PLCH1: variants seen among roughly 807,000 people sequenced by gnomAD.
PLCH1 encodes the protein phospholipase C eta 1, also known as 1-phosphatidylinositol 4,5-bisphosphate phosphodiesterase eta-1.
A neutral mutation model predicts 126.7 loss-of-function variants in PLCH1; 60 were observed. The ratio of observed to expected loss-of-function variants is 0.47; its 90% CI spans 0.38 to 0.59. The LOEUF (loss-of-function observed/expected upper bound fraction) is 0.59. Ranked by LOEUF, PLCH1 falls within the 20% of genes least tolerant of loss-of-function variation. PLCH1 has a pLI of 0.00. For missense variants in PLCH1, 1,723 were observed against 2,040.0 expected (o/e 0.84, Z 2.99); for synonymous variants, 719 against 734.9 (o/e 0.98, Z 0.35).
At chr3:155,712,640 T>C (rs1428162218) in intron 1 of PLCH1, among the ~76,000 whole-genome samples, 1 of 152,096 alleles carries the variant, frequency 6.6e-6, no homozygotes, top group African/African-American at 2.4e-5. Context: ...CTCGGGAGGC[T>C]GAGGCAGGAG....
At chr3:155,498,508 T>C (rs1328328070) in intron 14 of PLCH1, among the ~76,000 whole-genome samples, 1 of 152,184 alleles carries the variant, frequency 6.6e-6, no homozygotes, top group African/African-American at 2.4e-5. Context: ...ATTCCCACTG[T>C]GACCCAGTTA....
rs1233796597 is a variant in PLCH1 at position 155,591,774 on chromosome 3, A to G, written c.470+2167T>C. Among the ~76,000 whole-genome samples the G allele has an allele frequency of 4.6e-5, 7 of 152,158 alleles. No individual in the cohort carries two copies. In the East Asian group the frequency reaches 9.7e-4, roughly 21 times the overall value. The stretch of plus-strand genomic sequence containing the variant: ...TTTGTTTTTGAGACAGGGTCTTGGT[A>G]GCTCACCGCTGCCTCCAACTCCTGG... On this transcript the variant is annotated intron_variant, in intron 4 of 22. Transcript: ENST00000460012.
chr3:155,500,851 C>T (rs768878993), intron 13 of PLCH1, 57 bp from the exon 14 acceptor site: 48 of 1,140,352 alleles, frequency 4.2e-5, no homozygotes, highest in Admixed American at 1.4e-4. Context: ...ATATTTACAA[C>T]ATGCAGAGAA....
intron 10 of PLCH1, among the ~76,000 whole-genome samples, chr3:155,539,650 TA>T (rs1299676047): frequency 2.6e-5 from 4 of 151,444 alleles, no homozygotes; most frequent in African/African-American, 4.9e-5. Context: ...CTGCAAAAAA[TA>T]AAACAAAATA....
intron 7 of PLCH1, among the ~76,000 whole-genome samples, chr3:155,566,132 C>CATATATATATACAT: frequency 7.7e-6 from 1 of 130,384 alleles, no homozygotes; most frequent in African/African-American, 3.0e-5. Context: ...TGTATATATA[C>CATATATATATACAT]ATATATATGT....
At chr3:155,467,505 C>T (rs1399624716) in intron 21 of PLCH1, among the ~76,000 whole-genome samples, 2 of 150,604 alleles carry the variant, frequency 1.3e-5, no homozygotes, top group African/African-American at 4.9e-5. Flanking sequence ...ACCTGGGAGG[C>T]AGAGGTTGCA....
Position 155,592,177 on chromosome 3 carries a change from A to T in PLCH1, c.470+1764T>A, listed in dbSNP as rs1448149596. On this transcript the variant is annotated intron_variant, in intron 4 of 22. Transcript: ENST00000460012. ...GGGAAGTTTTTCTTTTCTCTTTTAA[A>T]AAAAAAAAAAAAAAAAAAGATTCGT... 1.2e-4 allele frequency among the ~76,000 whole-genome samples: 15 copies of T among 121,830 alleles called. No homozygotes were observed. The South Asian group carries it at 3.3e-3, about 27-fold the overall frequency. The allele number at this position is 121,830 out of a possible 152,430, so 79.9% of individuals were successfully genotyped here.
intron 1 of PLCH1, among the ~76,000 whole-genome samples, chr3:155,736,233 T>A (rs951629826): frequency 6.6e-6 from 1 of 152,250 alleles, no homozygotes; most frequent in African/African-American, 2.4e-5. Context: ...AAACAGTTTA[T>A]GTTCTCTCTC....
At chr3:155,583,407 A>G in intron 6 of PLCH1, 65 bp downstream of exon 6, 1 of 1,334,138 alleles carries the variant, frequency 7.5e-7, no homozygotes, top group Non-Finnish European at 1.0e-6. Flanking sequence ...ATTTAACCCC[A>G]AAAGAAAGAC....
chr3:155,537,684 A>G (rs1288502590), intron 10 of PLCH1, among the ~76,000 whole-genome samples: 1 of 152,192 alleles, frequency 6.6e-6, no homozygotes, highest in Non-Finnish European at 1.5e-5. Context: ...GAACTAGTCC[A>G]GCAGGAAAAT....
chr3:155,603,587 A>C (rs116444618), intron 2 of PLCH1, among the ~76,000 whole-genome samples: 1 of 152,166 alleles, frequency 6.6e-6, no homozygotes, highest in African/African-American at 2.4e-5. Flanking sequence ...AGGTAACTGA[A>C]TATCCTACTT....
chr3:155,526,412 CTCTCTCTCTTCTG>C (rs1721917517), intron 10 of PLCH1, among the ~76,000 whole-genome samples: 3 of 138,666 alleles, frequency 2.2e-5, no homozygotes, highest in African/African-American at 8.9e-5. Flanking sequence ...CTCTCTTTCT[CTCTCTCTCTTCTG>C]TCTCTCTCTC....
At chr3:155,730,539 C>T (rs1416911489) in intron 1 of PLCH1, among the ~76,000 whole-genome samples, 2 of 152,198 alleles carry the variant, frequency 1.3e-5, no homozygotes, top group African/African-American at 4.8e-5. Context: ...CCTTGGCCTT[C>T]CAAAGTGCTG....
chr3:155,582,075 C>CTTTTTT (rs869254665), intron 6 of PLCH1, among the ~76,000 whole-genome samples: 47 of 64,116 alleles, frequency 7.3e-4, no homozygotes, highest in South Asian at 2.2e-3. Flanking sequence ...TCTTTTCTTT[C>CTTTTTT]TTTTTTTTTT....
At chr3:155,732,362 A>C (rs1439210911) in intron 1 of PLCH1, among the ~76,000 whole-genome samples, 1 of 151,858 alleles carries the variant, frequency 6.6e-6, no homozygotes, top group Non-Finnish European at 1.5e-5. Context: ...TATATAGAAA[A>C]CCCTAAAGAC....
At chr3:155,629,862 C>T (rs1053989845) in intron 2 of PLCH1, among the ~76,000 whole-genome samples, 6 of 152,212 alleles carry the variant, frequency 3.9e-5, no homozygotes, top group African/African-American at 9.7e-5. Context: ...ACTCGCTGTA[C>T]TCGCTGTTTC....
chr3:155,740,424 A>G (rs1265926692), intron 1 of PLCH1, among the ~76,000 whole-genome samples: 3 of 146,882 alleles, frequency 2.0e-5, no homozygotes, highest in African/African-American at 7.6e-5. Flanking sequence ...AAAAAAAAAA[A>G]GAAGAAGAAG....
chr3:155,720,093 C>A (rs969448079), intron 1 of PLCH1, among the ~76,000 whole-genome samples: 1 of 152,122 alleles, frequency 6.6e-6, no homozygotes, highest in Admixed American at 6.5e-5. Flanking sequence ...CATGCCTGGC[C>A]TACATTTTCT....
At chr3:155,573,511 C>A (rs540713775) in intron 6 of PLCH1, among the ~76,000 whole-genome samples, 17 of 152,278 alleles carry the variant, frequency 1.1e-4, no homozygotes, top group African/African-American at 3.9e-4. Context: ...CCAGATGGTA[C>A]AAGATGGCCT....
Sources: allele counts gnomAD v4.1 joint callset (sites outside exome capture counted in the v4.1 genomes callset), GRCh38; gene constraint gnomAD v4.1.1; transcripts MANE v1.5; gene names NCBI Gene and HGNC (gene_info 2026-07-23, HGNC 2026-07-21).